CACNA1E: variants seen among roughly 807,000 people sequenced by gnomAD.
CACNA1E encodes the protein voltage-dependent R-type calcium channel subunit alpha-1E.
Under a neutral mutation model 259.2 loss-of-function variants are expected in CACNA1E, and 40 were observed. The observed-to-expected ratio is 0.15, with a 90% CI of 0.12 to 0.20. The LOEUF is 0.20. Among genes scored for constraint, CACNA1E ranks in the 10% least tolerant of loss-of-function variants. The probability of loss-of-function intolerance (pLI) is 1.00; values close to 1 mark genes in which losing one functional copy is unlikely to be tolerated. For missense variants in CACNA1E, 1,874 were observed against 3,040.1 expected (o/e 0.62, Z 9.02); for synonymous variants, 1,104 against 1,138.5 (o/e 0.97, Z 0.61).
At chr1:181,388,905 C>A (rs1162760676) in intron 1 of CACNA1E, among the ~76,000 whole-genome samples, 1 of 150,578 alleles carries the variant, frequency 6.6e-6, no homozygotes, top group African/African-American at 2.4e-5. Context: ...AAAAAAAAAA[C>A]GTGTTATGAT....
At chr1:181,476,870 G>A (rs1408720674) in intron 2 of CACNA1E, among the ~76,000 whole-genome samples, 1 of 152,134 alleles carries the variant, frequency 6.6e-6, no homozygotes, top group Non-Finnish European at 1.5e-5. Flanking sequence ...GAGCAGCAAG[G>A]TTGGGCCCTG....
intron 1 of CACNA1E, among the ~76,000 whole-genome samples, chr1:181,411,796 G>A (rs538965941): frequency 6.6e-6 from 1 of 152,326 alleles, no homozygotes; most frequent in Non-Finnish European, 1.5e-5. Flanking sequence ...TTTTAGTAGA[G>A]ACTAGGTTTC....
intron 6 of CACNA1E, among the ~76,000 whole-genome samples, chr1:181,600,635 G>A (rs1184285156): frequency 2.0e-5 from 3 of 152,124 alleles, no homozygotes; most frequent in African/African-American, 7.2e-5. Context: ...TAATAGCGGT[G>A]CCATCTACCA....
Position 181,390,010 on chromosome 1 carries a change from C to T in CACNA1E, c.-14-23123C>T, listed in dbSNP as rs529174166. Among the ~76,000 whole-genome samples the T allele has an allele frequency of 2.0e-5, 3 of 152,352 alleles. No homozygotes were observed. The Middle Eastern group carries it at 0.01, about 518-fold the overall frequency. On this transcript the variant is annotated intron_variant, in intron 1 of 11. Transcript: ENST00000524607. The stretch of plus-strand genomic sequence containing the variant: ...TTAGAGGAGGCTGACTGTGCTTTGG[C>T]ATGGGACTGGTGAGAAGCTTGTTTT...
rs1411160654 is a variant in CACNA1E, at chr1:181,798,539, C to T, written c.6647C>T (p.Pro2216Leu). ...ACCGAGTCTTCCAACTCTCCGCACCCCCAGCAGAGCCAACATGCCTCCCCA... is the reference window on the plus strand; with the variant it reads ...ACCGAGTCTTCCAACTCTCCGCACCTCCAGCAGAGCCAACATGCCTCCCCA... ...CLTESSNSPH[P>L]QQSQHASPQR... Residue 2216 changes from proline to leucine, a missense_variant, in exon 48 of 48, where the codon CCC (proline) becomes CTC (leucine). By Grantham distance (98) the Pro-to-Leu change is moderately conservative. Transcript: ENST00000367573. The surrounding 1 kb of genome is among the most constrained non-coding windows in gnomAD (Gnocchi z 4.2). 8 of 1,613,774 alleles carry T rather than the reference C, an allele frequency of 5.0e-6. No individual in the cohort carries two copies. Among genetic ancestry groups the T allele is most frequent in the Non-Finnish European group, 6.8e-6 (8 of 1,179,904 alleles).
chr1:181,406,469 T>A (rs1308389578), intron 1 of CACNA1E, among the ~76,000 whole-genome samples: 1 of 152,130 alleles, frequency 6.6e-6, no homozygotes, highest in African/African-American at 2.4e-5. Flanking sequence ...CGATCTCGGC[T>A]TGCTATAACT....
intron 7 of CACNA1E, among the ~76,000 whole-genome samples, chr1:181,703,265 G>T (rs1475956997): frequency 6.6e-6 from 1 of 152,150 alleles, no homozygotes; most frequent in African/African-American, 2.4e-5. Context: ...CAGCTACTTG[G>T]AGCACCTACT....
intron 6 of CACNA1E, among the ~76,000 whole-genome samples, chr1:181,590,276 C>G (rs1462931749): frequency 6.6e-6 from 1 of 151,614 alleles, no homozygotes; most frequent in African/African-American, 2.4e-5. Context: ...CTGGAGAGCT[C>G]TTTTAAAAGG....
intron 6 of CACNA1E, among the ~76,000 whole-genome samples, chr1:181,642,523 C>T (rs920573430): frequency 6.6e-6 from 1 of 152,146 alleles, no homozygotes; most frequent in African/African-American, 2.4e-5. Flanking sequence ...ATGAAGCCTC[C>T]TGTACTCTTT....
At chr1:181,365,066 C>T (rs147845250) in intron 1 of CACNA1E, among the ~76,000 whole-genome samples, 8 of 152,312 alleles carry the variant, frequency 5.3e-5, no homozygotes, top group African/African-American at 9.6e-5. Flanking sequence ...GCACTGAGCA[C>T]GTGCTTTGGG....
intron 2 of CACNA1E, among the ~76,000 whole-genome samples, chr1:181,459,814 C>G (rs377560976): frequency 2.6e-5 from 4 of 152,198 alleles, no homozygotes; most frequent in Non-Finnish European, 4.4e-5. Flanking sequence ...GCACAGGACT[C>G]TCCTGGGCAA....
intron 6 of CACNA1E, among the ~76,000 whole-genome samples, chr1:181,631,051 C>T (rs1656687170): frequency 6.6e-6 from 1 of 152,210 alleles, no homozygotes; most frequent in Non-Finnish European, 1.5e-5. Context: ...ACCCTCAGCC[C>T]CAGGGCTCTT....
At chr1:181,344,996 G>C (rs1652476029) in intron 1 of CACNA1E, among the ~76,000 whole-genome samples, 1 of 152,214 alleles carries the variant, frequency 6.6e-6, no homozygotes, top group Non-Finnish European at 1.5e-5. Context: ...GTCAGAAAAG[G>C]GTGATCCAGG....
chr1:181,358,482 T>C (rs560580789), intron 1 of CACNA1E, among the ~76,000 whole-genome samples: 1 of 152,352 alleles, frequency 6.6e-6, no homozygotes, highest in South Asian at 2.1e-4. Flanking sequence ...TATAATCTTA[T>C]GAAAATTTAC....
chr1:181,800,714 G>A lies in CACNA1E; in HGVS notation c.*1880G>A, dbSNP rs1454184532. 6.6e-6 allele frequency: 1 copy of A among 152,660 alleles called. No homozygotes were observed. The highest frequency in any genetic ancestry group is 2.4e-5 in the African/African-American group (1 of 41,444). 9.5% of individuals were successfully genotyped at this position (152,660 alleles called of 1,614,324 possible). On this transcript the variant is annotated 3_prime_UTR_variant, in exon 48 of 48. Coordinates refer to ENST00000367573, the MANE Select transcript of CACNA1E (RefSeq NM_001205293.3). ...AGAGTTGTTATTTTTCTTAGAAGGA[G>A]CCTCTTTTCCCTCTATTTTTTAAAT... is the stretch of plus-strand genomic sequence containing the variant.
At chr1:181,718,570 A>T (rs1654120634) in intron 12 of CACNA1E, among the ~76,000 whole-genome samples, 1 of 146,160 alleles carries the variant, frequency 6.8e-6, no homozygotes, top group Non-Finnish European at 1.5e-5. Flanking sequence ...TTTCTACTTC[A>T]GTTTAAAATT....
chr1:181,460,298 G>C (rs1258355043), intron 2 of CACNA1E, among the ~76,000 whole-genome samples: 9 of 152,166 alleles, frequency 5.9e-5, no homozygotes, highest in African/African-American at 4.8e-5. Context: ...CAGTGGGCAG[G>C]CTACTATCAC....
Position 181,796,810 on chromosome 1 carries a change from T to C in CACNA1E, c.6351T>C (p.Arg2117=), listed in dbSNP as rs751970429. The change falls in exon 47 of 48, where the codon CGT becomes CGC. Residue 2117 remains arginine (R), a synonymous_variant. Coordinates refer to ENST00000367573, the MANE Select transcript of CACNA1E (RefSeq NM_001205293.3). ...CTGACTGGGAGTCCCCAGAGCGCCG[T>C]CAATCCAGGTCACCCAGTGAGGGCA... The part of the protein sequence containing the change: ...TQADWESPER[R]QSRSPSEGRS... The C allele has an allele frequency of 2.5e-6, 4 of 1,609,344 alleles. No homozygotes were observed. In the East Asian group the frequency reaches 8.9e-5, roughly 36 times the overall value.
chr1:181,560,070 G>A (rs1446206583), intron 3 of CACNA1E, among the ~76,000 whole-genome samples: 1 of 151,584 alleles, frequency 6.6e-6, no homozygotes, highest in Non-Finnish European at 1.5e-5. Context: ...CATATTTGAA[G>A]TTTAGCAATC....
Sources: gnomAD v4.1 joint callset for allele counts (sites outside exome capture counted in the v4.1 genomes callset) on GRCh38, gnomAD v4.1.1 for gene constraint, Gnocchi (gnomAD v3.1) non-coding constraint, MANE v1.5 for transcripts, NCBI Gene and HGNC (gene_info 2026-07-23, HGNC 2026-07-21) for gene names.